The following WDPCP variants were observed in gnomAD, a reference collection of about 807,000 sequenced individuals.
WDPCP encodes the protein WD repeat containing planar cell polarity effector.
A neutral mutation model predicts 93.1 loss-of-function variants in WDPCP; 71 were observed. The ratio of observed to expected loss-of-function variants is 0.76; its 90% CI spans 0.63 to 0.93. The LOEUF is 0.93. WDPCP is among the 40% of genes least tolerant of loss of function. The probability of loss-of-function intolerance (pLI) is 0.00; values close to 1 mark genes in which losing one functional copy is unlikely to be tolerated. For missense variants in WDPCP, 844 were observed against 887.4 expected (o/e 0.95, Z 0.62); for synonymous variants, 315 against 315.0 (o/e 1.00, Z 0.00).
chr2:63,619,887 T>A (rs1273078274), intron 3 of WDPCP, among the ~76,000 whole-genome samples: 1 of 151,894 alleles, frequency 6.6e-6, no homozygotes, highest in Non-Finnish European at 1.5e-5. Context: ...CAAAGCAGAG[T>A]GGGACATTGC....
At chr2:63,149,919 T>C (rs773954535) in intron 17 of WDPCP, among the ~76,000 whole-genome samples, 6 of 152,154 alleles carry the variant, frequency 3.9e-5, no homozygotes, top group African/African-American at 9.7e-5. Context: ...GATGACTGCT[T>C]ATGCCCAGGA....
At chr2:63,677,686 G>GAT (rs1710440942) in intron 2 of WDPCP, among the ~76,000 whole-genome samples, 2 of 152,026 alleles carry the variant, frequency 1.3e-5, no homozygotes, top group Admixed American at 6.6e-5. Flanking sequence ...AATTACTACC[G>GAT]ACCTAGAATT....
chr2:63,808,846 T>C (rs1670813662), intron 2 of WDPCP, among the ~76,000 whole-genome samples: 1 of 150,104 alleles, frequency 6.7e-6, no homozygotes, highest in African/African-American at 2.5e-5. Context: ...CTGCCCAGTC[T>C]GGAAAGTGAG....
At chr2:63,423,861 C>G (rs1435762140) in intron 9 of WDPCP, among the ~76,000 whole-genome samples, 1 of 151,916 alleles carries the variant, frequency 6.6e-6, no homozygotes, top group Non-Finnish European at 1.5e-5. Context: ...GATAAGATGG[C>G]CAACTAGACA....
At chr2:63,299,400 T>A (rs1024316592) in intron 13 of WDPCP, among the ~76,000 whole-genome samples, 1 of 152,186 alleles carries the variant, frequency 6.6e-6, no homozygotes, top group Non-Finnish European at 1.5e-5. Flanking sequence ...TGGTTAGGAA[T>A]TGGACCCTGT....
intron 2 of WDPCP, among the ~76,000 whole-genome samples, chr2:63,719,176 A>AT (rs1669380529): frequency 6.6e-6 from 1 of 152,198 alleles, no homozygotes; most frequent in Non-Finnish European, 1.5e-5. Flanking sequence ...GTGGCATGAC[A>AT]TTACTCTCTC....
At chr2:63,396,088 G>A (rs752856143) in intron 10 of WDPCP, among the ~76,000 whole-genome samples, 2 of 152,042 alleles carry the variant, frequency 1.3e-5, no homozygotes, top group Non-Finnish European at 2.9e-5. Flanking sequence ...CAATAAACTT[G>A]ATTTTTAAAA....
At chr2:63,664,074 T>G (rs1324897460) in intron 2 of WDPCP, among the ~76,000 whole-genome samples, 1 of 152,160 alleles carries the variant, frequency 6.6e-6, no homozygotes, top group Admixed American at 6.5e-5. Context: ...CATGTTTGTC[T>G]CAATATCATT....
At chr2:63,621,359 C>T (rs1339056122) in intron 3 of WDPCP, among the ~76,000 whole-genome samples, 1 of 151,764 alleles carries the variant, frequency 6.6e-6, no homozygotes, top group Non-Finnish European at 1.5e-5. Context: ...AAAAACAGCA[C>T]AAGAACTTCG....
rs1377799684 is a variant in WDPCP, at chr2:63,120,063, A to T, written c.*1943T>A. Among the ~76,000 whole-genome samples, 1 of 152,222 alleles carries T rather than the reference A, an allele frequency of 6.6e-6. No homozygotes were observed. Among genetic ancestry groups the T allele is most frequent in the African/African-American group, 2.4e-5 (1 of 41,458 alleles). On this transcript the variant is annotated 3_prime_UTR_variant, in exon 18 of 18. Coordinates refer to ENST00000272321, the MANE Select transcript of WDPCP (RefSeq NM_015910.7). ...TTATTATCATTATGTAGAAAAACATAGATGTATCAATATCCATATTTTATC... is the reference window on the plus strand; with the variant it reads ...TTATTATCATTATGTAGAAAAACATTGATGTATCAATATCCATATTTTATC...
At chr2:63,469,825 T>C (rs1699588975) in intron 6 of WDPCP, among the ~76,000 whole-genome samples, 1 of 152,144 alleles carries the variant, frequency 6.6e-6, no homozygotes, top group African/African-American at 2.4e-5. Context: ...ATAACAAACC[T>C]GCACATGTAC....
chr2:63,477,866 G>C (rs983430815), intron 6 of WDPCP: 1 of 152,204 alleles, frequency 6.6e-6, no homozygotes, highest in African/African-American at 2.4e-5. Context: ...GGTAGAAGCA[G>C]CAGTGGGAAG....
At position 63,303,341 on chromosome 2, in the gene WDPCP, T is replaced by G. The variant is rs80102535; in HGVS notation, c.1812+9907A>C. On this transcript the variant is annotated intron_variant, in intron 13 of 17. Coordinates refer to ENST00000272321, the MANE Select transcript of WDPCP (RefSeq NM_015910.7). Reference sequence around the variant, plus strand: ...AATACCCTAGAAGGCCTAAGAAGGTTTGCAGCTGCTCTGGTGTGGTAGGAC... The same window carrying G: ...AATACCCTAGAAGGCCTAAGAAGGTGTGCAGCTGCTCTGGTGTGGTAGGAC... Among the ~76,000 whole-genome samples, 1,489 of 152,222 alleles carry G rather than the reference T, an allele frequency of 9.8e-3. 21 individuals are homozygous for G. Among genetic ancestry groups the G allele is most frequent in the African/African-American group, 0.035 (1,445 of 41,510 alleles).
In WDPCP at chr2:63,536,259, G is replaced by A. The variant is rs568035814; in HGVS notation, c.76-43319C>T. On this transcript the variant is annotated intron_variant, in intron 1 of 17. Coordinates refer to ENST00000272321, the MANE Select transcript of WDPCP (RefSeq NM_015910.7). ...GAGAAATAACGCTTTTACACTGTTG[G>A]TGGGAATGTAAACTAGTTCAACCAC... is the stretch of plus-strand genomic sequence containing the variant. Among the ~76,000 whole-genome samples, 21 of 152,316 alleles carry A rather than the reference G, an allele frequency of 1.4e-4. No individual in the cohort carries two copies. In the East Asian group the frequency reaches 3.7e-3, roughly 27 times the overall value.
At chr2:63,215,867 A>T (rs1383543973) in intron 14 of WDPCP, among the ~76,000 whole-genome samples, 1 of 152,224 alleles carries the variant, frequency 6.6e-6, no homozygotes, top group African/African-American at 2.4e-5. Flanking sequence ...TTTACAAGAA[A>T]AAAACAACCC....
intron 14 of WDPCP, among the ~76,000 whole-genome samples, chr2:63,254,464 T>C (rs1204469320): frequency 2.0e-5 from 3 of 152,140 alleles, no homozygotes; most frequent in Non-Finnish European, 4.4e-5. Flanking sequence ...GAGGACCAAA[T>C]AAGGTAATGT....
chr2:63,828,645 T>A (rs1671148215), upstream of WDPCP, among the ~76,000 whole-genome samples: 1 of 152,166 alleles, frequency 6.6e-6, no homozygotes, highest in Non-Finnish European at 1.5e-5. Context: ...ATTTTCACTG[T>A]CAGATGGAAC....
At chr2:63,752,129 G>T in intron 2 of WDPCP, 1 of 609,868 alleles carries the variant, frequency 1.6e-6, no homozygotes, top group South Asian at 1.7e-5. Context: ...CCATTCACAC[G>T]ACGGTATTTC....
intron 9 of WDPCP, among the ~76,000 whole-genome samples, chr2:63,426,891 G>A: frequency 6.6e-6 from 1 of 152,094 alleles, no homozygotes; most frequent in Non-Finnish European, 1.5e-5. Flanking sequence ...AAACTATGGA[G>A]AAAGATCTAT....
Sources: allele counts gnomAD v4.1 joint callset (sites outside exome capture counted in the v4.1 genomes callset), GRCh38; gene constraint gnomAD v4.1.1; transcripts MANE v1.5; gene names NCBI Gene and HGNC (gene_info 2026-07-23, HGNC 2026-07-21).